Variants in FARP1 observed in about 807,000 individuals in gnomAD.
FARP1 encodes FERM, ARHGEF and pleckstrin domain-containing protein 1.
Under a neutral mutation model 128.8 loss-of-function variants are expected in FARP1, and 52 were observed. That is an observed-to-expected ratio of 0.40 (90% CI 0.32 to 0.51). The LOEUF (loss-of-function observed/expected upper bound fraction) is 0.51. Ranked by LOEUF, FARP1 falls within the 20% of genes least tolerant of loss-of-function variation. The probability of loss-of-function intolerance (pLI) is 0.45; values close to 1 mark genes in which losing one functional copy is unlikely to be tolerated. For missense variants in FARP1, 1,333 were observed against 1,367.9 expected (o/e 0.97, Z 0.40); for synonymous variants, 580 against 551.8 (o/e 1.05, Z -0.72).
Position 98,446,837 on chromosome 13 carries a change from G to T in FARP1, c.3056+20G>T. On this transcript the variant is annotated intron_variant, in intron 26 of 26. Coordinates refer to ENST00000319562, the MANE Select transcript of FARP1 (RefSeq NM_005766.4). ...CGAAAGGTAGACACCCCCTTCCCAC[G>T]CACAGGGCCCTGCAGAAGAGGACCC... 6.2e-7 allele frequency: 1 copy of T among 1,613,230 alleles called. No homozygotes were observed. Among genetic ancestry groups the T allele is most frequent in the Non-Finnish European group, 8.5e-7 (1 of 1,179,480 alleles).
intron 2 of FARP1, among the ~76,000 whole-genome samples, chr13:98,217,641 G>T (rs1202771132): frequency 6.6e-6 from 1 of 152,162 alleles, no homozygotes; most frequent in Admixed American, 6.5e-5. Context: ...CCTGTACACC[G>T]GGAGGTGCCT....
intron 3 of FARP1, chr13:98,345,662 T>C (rs768453453): frequency 6.6e-6 from 1 of 152,256 alleles, no homozygotes; most frequent in Non-Finnish European, 1.5e-5. Context: ...GAGTGCTTCC[T>C]ATGTGCTGGA....
chr13:98,152,680 A>G (rs1308683988), intron 1 of FARP1, among the ~76,000 whole-genome samples: 1 of 152,222 alleles, frequency 6.6e-6, no homozygotes, highest in African/African-American at 2.4e-5. Context: ...AAGCATCATG[A>G]CTGATATATT....
intron 24 of FARP1, among the ~76,000 whole-genome samples, chr13:98,444,347 A>C (rs1044516394): frequency 6.2e-5 from 9 of 146,132 alleles, no homozygotes; most frequent in African/African-American, 2.2e-4. Flanking sequence ...TTCAACCCAC[A>C]GCAGGGTCTG....
intron 1 of FARP1, among the ~76,000 whole-genome samples, chr13:98,205,076 A>G (rs761627917): frequency 1.3e-5 from 2 of 152,196 alleles, no homozygotes. Context: ...GCTGTGGACA[A>G]TTCTAAAATT....
At chr13:98,372,081 C>CTTTTTTTTTTTT (rs56838920) in intron 5 of FARP1, among the ~76,000 whole-genome samples, 2 of 92,340 alleles carry the variant, frequency 2.2e-5, no homozygotes, top group Non-Finnish European at 4.0e-5. Flanking sequence ...CCCAGTTTTT[C>CTTTTTTTTTTTT]TTTTTTTTTT....
At chr13:98,378,441 C>T (rs1250252737) in intron 6 of FARP1, among the ~76,000 whole-genome samples, 1 of 152,198 alleles carries the variant, frequency 6.6e-6, no homozygotes, top group Non-Finnish European at 1.5e-5. Flanking sequence ...TGCTCATCTC[C>T]AGGCTTGCTG....
In FARP1 at chr13:98,321,295, G is replaced by A. The variant is rs567862190; in HGVS notation, c.172-22467G>A. On this transcript the variant is annotated intron_variant, in intron 2 of 26. Coordinates refer to ENST00000319562, the MANE Select transcript of FARP1 (RefSeq NM_005766.4). ...GTGGAGTCGTGGAGAAACTCAGCCG[G>A]ATCATCTCATGGCCAATGAGTTAAC... 3.9e-5 allele frequency among the ~76,000 whole-genome samples: 6 copies of A among 152,290 alleles called. No individual in the cohort carries two copies. In the South Asian group the frequency reaches 6.2e-4, roughly 16 times the overall value.
At chr13:98,377,773 G>A in intron 5 of FARP1, 48 bp from the exon 6 acceptor site, 10 of 1,421,150 alleles carry the variant, frequency 7.0e-6, no homozygotes, top group Non-Finnish European at 9.9e-6. Flanking sequence ...GGTTCCCGGT[G>A]ACCTCCTGCC....
intron 2 of FARP1, among the ~76,000 whole-genome samples, chr13:98,280,128 G>A (rs1884860128): frequency 6.6e-6 from 1 of 152,132 alleles, no homozygotes; most frequent in Non-Finnish European, 1.5e-5. Flanking sequence ...TGACCTCAAT[G>A]CTGACTATTC....
chr13:98,305,858 T>C (rs1566855964), intron 2 of FARP1, among the ~76,000 whole-genome samples: 1 of 114,598 alleles, frequency 8.7e-6, no homozygotes. Flanking sequence ...ATTATTACTT[T>C]CCCTTTTTTT....
intron 9 of FARP1, among the ~76,000 whole-genome samples, chr13:98,389,037 G>A (rs558538091): frequency 6.6e-6 from 1 of 152,372 alleles, no homozygotes; most frequent in South Asian, 2.1e-4. Context: ...CGGAGGAGGT[G>A]GGTGATGTGT....
intron 2 of FARP1, among the ~76,000 whole-genome samples, chr13:98,284,169 A>C (rs1257440867): frequency 1.3e-5 from 2 of 151,744 alleles, no homozygotes; most frequent in Non-Finnish European, 2.9e-5. Context: ...AAACATTATG[A>C]GACTTTTTGT....
chr13:98,271,449 TTTG>T (rs1566817461), intron 2 of FARP1, among the ~76,000 whole-genome samples: 3 of 152,196 alleles, frequency 2.0e-5, no homozygotes, highest in Non-Finnish European at 4.4e-5. Context: ...AACGTGCAGG[TTTG>T]TTACATAGGT....
chr13:98,255,112 C>G (rs78654645), intron 2 of FARP1, among the ~76,000 whole-genome samples: 1 of 151,944 alleles, frequency 6.6e-6, no homozygotes, highest in Non-Finnish European at 1.5e-5. Flanking sequence ...TTTTTAGGGC[C>G]CCTTTGGCCA....
At chr13:98,305,613 C>T (rs1312443357) in intron 2 of FARP1, among the ~76,000 whole-genome samples, 2 of 152,196 alleles carry the variant, frequency 1.3e-5, no homozygotes, top group African/African-American at 4.8e-5. Context: ...GAATTACAGG[C>T]GTGAGCCACC....
chr13:98,346,186 A>ATTTTTTTTTTTTTTT (rs10555277), intron 3 of FARP1, among the ~76,000 whole-genome samples: 1 of 105,686 alleles, frequency 9.5e-6, no homozygotes, highest in Non-Finnish European at 1.9e-5. Context: ...ATTGCATATA[A>ATTTTTTTTTTTTTTT]TTTTTTTTTT....
rs201425520 is a variant in FARP1, at chr13:98,430,972, G to A, written c.1906-71G>A. 18 of 958,360 alleles carry A rather than the reference G, an allele frequency of 1.9e-5. No homozygotes were observed. The Admixed American group carries it at 2.4e-4, about 13-fold the overall frequency. 59.4% of individuals were successfully genotyped at this position (958,360 alleles called of 1,614,324 possible). On this transcript the variant is annotated intron_variant, in intron 17 of 26. Coordinates refer to ENST00000319562, the MANE Select transcript of FARP1 (RefSeq NM_005766.4). ...GTGCAGGAGCGCTTCATTTCCCCAA[G>A]TGAAACTGGGCAGAACACAGGTGCA...
chr13:98,340,459 C>G (rs996965473), intron 2 of FARP1, among the ~76,000 whole-genome samples: 3 of 151,990 alleles, frequency 2.0e-5, no homozygotes, highest in African/African-American at 7.3e-5. Flanking sequence ...ATTTTCCTGC[C>G]TCAGCCTCCT....
Sources: gnomAD v4.1 joint callset for allele counts (sites outside exome capture counted in the v4.1 genomes callset) on GRCh38, gnomAD v4.1.1 for gene constraint, MANE v1.5 for transcripts, NCBI Gene and HGNC (gene_info 2026-07-23, HGNC 2026-07-21) for gene names.